CADM1: variants seen among roughly 807,000 people sequenced by gnomAD.
CADM1 encodes cell adhesion molecule 1.
CADM1 carries 15 observed loss-of-function variants against 53.1 expected under a neutral mutation model. That is an observed-to-expected ratio of 0.28 (90% CI 0.19 to 0.44). The LOEUF is 0.44. CADM1 is among the 20% of genes least tolerant of loss of function. The pLI, the probability that CADM1 is intolerant of heterozygous loss-of-function variation, is 1.00. For missense variants in CADM1, 434 were observed against 611.3 expected, an observed-to-expected ratio of 0.71 and a Z score of 3.06; for synonymous variants, 281 against 243.0, an observed-to-expected ratio of 1.16 and a Z score of -1.45.
intron 7 of CADM1, 138 bp downstream of exon 7, chr11:115,214,470 G>C: frequency 2.5e-6 from 2 of 802,848 alleles, no homozygotes; most frequent in Non-Finnish European, 4.2e-6. Context: ...GTCCACCTCA[G>C]GCCAGGCTTC....
chr11:115,248,530 C>T (rs1480121005), intron 1 of CADM1, among the ~76,000 whole-genome samples: 6 of 152,146 alleles, frequency 3.9e-5, no homozygotes, highest in Admixed American at 2.0e-4. Flanking sequence ...TTAAAATTCA[C>T]TTATCAAAGA....
chr11:115,376,999 C>G (rs1013407107), intron 1 of CADM1, among the ~76,000 whole-genome samples: 1 of 152,070 alleles, frequency 6.6e-6, no homozygotes, highest in Non-Finnish European at 1.5e-5. Flanking sequence ...AATGTCTAGC[C>G]GGCTTTAAAT....
chr11:115,277,153 T>C (rs192407983), intron 1 of CADM1, among the ~76,000 whole-genome samples: 2 of 152,196 alleles, frequency 1.3e-5, no homozygotes, highest in African/African-American at 4.8e-5. Context: ...AAGTAAGCCA[T>C]AGCAACATCT....
At chr11:115,404,504 A>G (rs1947262431) in intron 1 of CADM1, among the ~76,000 whole-genome samples, 1 of 149,346 alleles carries the variant, frequency 6.7e-6, no homozygotes, top group African/African-American at 2.5e-5. Context: ...CCTCAGAAGT[A>G]GGAAAGGCTT....
chr11:115,294,059 T>C (rs1430733163), intron 1 of CADM1, among the ~76,000 whole-genome samples: 3 of 152,222 alleles, frequency 2.0e-5, no homozygotes, highest in African/African-American at 7.2e-5. Context: ...CTGTTCAGTT[T>C]GGAGTATTAG....
intron 1 of CADM1, among the ~76,000 whole-genome samples, chr11:115,296,834 A>C (rs1276622441): frequency 1.3e-5 from 2 of 149,884 alleles, no homozygotes; most frequent in East Asian, 3.9e-4. Flanking sequence ...ATCTACATGA[A>C]TCTCATCTTT....
intron 1 of CADM1, among the ~76,000 whole-genome samples, chr11:115,406,752 C>T (rs1591787488): frequency 1.3e-5 from 2 of 151,082 alleles, no homozygotes; most frequent in Non-Finnish European, 3.0e-5. Context: ...TTCAAGGCCA[C>T]CCTGGCCAAC....
chr11:115,234,780 C>G (rs1001386751), intron 3 of CADM1, among the ~76,000 whole-genome samples: 8 of 150,886 alleles, frequency 5.3e-5, no homozygotes, highest in South Asian at 2.1e-4. Flanking sequence ...GTAGTTCCAG[C>G]TACTCAGCAG....
intron 1 of CADM1, among the ~76,000 whole-genome samples, chr11:115,268,827 G>A (rs1200713689): frequency 2.6e-5 from 4 of 152,150 alleles, no homozygotes; most frequent in Non-Finnish European, 5.9e-5. Flanking sequence ...ATTCTGACTT[G>A]TACAGAGTAC....
chr11:115,332,208 T>G (rs991264657), intron 1 of CADM1, among the ~76,000 whole-genome samples: 1 of 151,940 alleles, frequency 6.6e-6, no homozygotes, highest in African/African-American at 2.4e-5. Flanking sequence ...CTTCCCATAC[T>G]GGAAAACAAG....
chr11:115,483,026 A>C (rs1367975171), intron 1 of CADM1, among the ~76,000 whole-genome samples: 1 of 152,220 alleles, frequency 6.6e-6, no homozygotes, highest in Non-Finnish European at 1.5e-5. Context: ...TATCATCTTT[A>C]AATCCACAAT....
At chr11:115,437,202 C>T (rs923466881) in intron 1 of CADM1, among the ~76,000 whole-genome samples, 31 of 152,128 alleles carry the variant, frequency 2.0e-4, no homozygotes, top group African/African-American at 7.5e-4. Context: ...GTAAGAAATG[C>T]AAGACCTGCC....
At chr11:115,483,202 A>C (rs539244844) in intron 1 of CADM1, among the ~76,000 whole-genome samples, 1 of 152,380 alleles carries the variant, frequency 6.6e-6, no homozygotes, top group East Asian at 1.9e-4. Flanking sequence ...GAAGCAATTC[A>C]GAACGTTTAA....
intron 1 of CADM1, among the ~76,000 whole-genome samples, chr11:115,308,703 A>C (rs992194947): frequency 4.0e-5 from 6 of 151,668 alleles, no homozygotes; most frequent in African/African-American, 1.5e-4. Context: ...GTAACACAGC[A>C]ATCTTTTACT....
chr11:115,484,008 G>A (rs1307935870), intron 1 of CADM1, among the ~76,000 whole-genome samples: 2 of 152,102 alleles, frequency 1.3e-5, no homozygotes, highest in African/African-American at 4.8e-5. Context: ...GCACTTTTTG[G>A]TCATCCTACC....
intron 1 of CADM1, among the ~76,000 whole-genome samples, chr11:115,395,971 G>C (rs916528489): frequency 6.6e-6 from 1 of 152,098 alleles, no homozygotes; most frequent in Non-Finnish European, 1.5e-5. Flanking sequence ...CATTCAAAGA[G>C]TTCATCATGC....
chr11:115,349,866 C>T (rs1565380327), intron 1 of CADM1, among the ~76,000 whole-genome samples: 1 of 152,094 alleles, frequency 6.6e-6, no homozygotes, highest in East Asian at 1.9e-4. Flanking sequence ...ATGGAACTGT[C>T]GGGGAGGTAG....
At chr11:115,205,892 T>C (rs1025965482) in intron 8 of CADM1, among the ~76,000 whole-genome samples, 1 of 152,232 alleles carries the variant, frequency 6.6e-6, no homozygotes, top group Non-Finnish European at 1.5e-5. Context: ...AACAAGTTGA[T>C]ACGGCAAGTT....
chr11:115,186,477 A>C (rs1186490861), intron 10 of CADM1, among the ~76,000 whole-genome samples: 2 of 152,158 alleles, frequency 1.3e-5, no homozygotes, highest in South Asian at 2.1e-4. Context: ...GGATTACCAA[A>C]GGCTCCAGCA....
Sources: gnomAD v4.1 joint callset for allele counts (sites outside exome capture counted in the v4.1 genomes callset) on GRCh38, gnomAD v4.1.1 for gene constraint, MANE v1.5 for transcripts, NCBI Gene and HGNC (gene_info 2026-07-23, HGNC 2026-07-21) for gene names.